The following STK11 variants were observed in gnomAD, a reference collection of about 807,000 sequenced individuals.
STK11 encodes the protein serine/threonine kinase 11, also known as serine/threonine-protein kinase STK11.
In STK11, 8 loss-of-function variants were observed where a neutral mutation model predicts 47.3. That is an observed-to-expected ratio of 0.17 (90% CI 0.10 to 0.31). The LOEUF is 0.31. Ranked by LOEUF, STK11 falls within the 10% of genes least tolerant of loss-of-function variation. The probability of loss-of-function intolerance (pLI) is 1.00; values close to 1 mark genes in which losing one functional copy is unlikely to be tolerated. For missense variants in STK11, 475 were observed against 605.0 expected (o/e 0.79, Z 2.25); for synonymous variants, 330 against 255.8 (o/e 1.29, Z -2.77).
At position 1,207,027 on chromosome 19, in the gene STK11, G is replaced by T. The variant is rs981179453; in HGVS notation, c.114G>T (p.Pro38=). ...ACTCCACCGAGGTCATCTACCAGCCGCGCCGCAAGCGGGCCAAGCTCATCG... is the reference window on the plus strand; with the variant it reads ...ACTCCACCGAGGTCATCTACCAGCCTCGCCGCAAGCGGGCCAAGCTCATCG... ...RIDSTEVIYQ[P]RRKRAKLIGK... The change falls in exon 1 of 10, where the codon CCG becomes CCT. Residue 38 remains proline (P), a synonymous_variant. Transcript: ENST00000326873. 3.1e-6 allele frequency: 5 copies of T among 1,613,728 alleles called. No individual in the cohort carries two copies. In the African/African-American group the frequency reaches 5.3e-5, roughly 17 times the overall value.
chr19:1,207,065 T>TGGG lies in STK11; in HGVS notation c.155_157dup (p.Gly52dup). 6.2e-7 allele frequency: 1 copy of TGGG among 1,613,758 alleles called. No homozygotes were observed. Among genetic ancestry groups the TGGG allele is most frequent in the Non-Finnish European group, 8.5e-7 (1 of 1,179,860 alleles). Reference sequence around the variant, plus strand: ...GCCAAGCTCATCGGCAAGTACCTGATGGGGGACCTGCTGGGGGAAGGCTCT... The same window carrying TGGG: ...GCCAAGCTCATCGGCAAGTACCTGATGGGGGGGGACCTGCTGGGGGAAGGCTCT... On this transcript the variant is annotated inframe_insertion, in exon 1 of 10. Coordinates refer to ENST00000326873, the MANE Select transcript of STK11 (RefSeq NM_000455.5).
chr19:1,224,070 G>T, intron 8 of STK11: 1 of 999,774 alleles, frequency 1.0e-6, no homozygotes, highest in East Asian at 8.2e-5. Flanking sequence ...CCTGCAGAGA[G>T]CCCCCCATTA....
intron 1 of STK11, among the ~76,000 whole-genome samples, chr19:1,212,006 C>T (rs1039833518): frequency 2.0e-5 from 3 of 151,806 alleles, no homozygotes; most frequent in African/African-American, 7.3e-5. Context: ...CTCTGGGCAG[C>T]GGGAGGGAGA....
intron 1 of STK11, among the ~76,000 whole-genome samples, chr19:1,208,430 C>G (rs2080684661): frequency 6.6e-6 from 1 of 151,138 alleles, no homozygotes; most frequent in Non-Finnish European, 1.5e-5. Flanking sequence ...GCCTCAGCCT[C>G]CCGAGTAGCT....
chr19:1,215,432 T>C (rs943553526), intron 1 of STK11, among the ~76,000 whole-genome samples: 1 of 152,202 alleles, frequency 6.6e-6, no homozygotes, highest in South Asian at 2.1e-4. Flanking sequence ...CCGGAACCAG[T>C]TGCTCACTGG....
chr19:1,206,123 G>A lies in STK11; in HGVS notation c.-791G>A, dbSNP rs1268445021. On this transcript the variant is annotated 5_prime_UTR_variant, in exon 1 of 10. Coordinates refer to ENST00000326873, the MANE Select transcript of STK11 (RefSeq NM_000455.5). ...GGGCGGGGCGCGCGCTCGGGCAGAC[G>A]TTTGCGGGGAGGGGGGCGCCTGCCG... is the stretch of plus-strand genomic sequence containing the variant. The A allele has an allele frequency of 6.8e-6, 1 of 147,492 alleles. No individual in the cohort carries two copies. The highest frequency in any genetic ancestry group is 1.5e-5 in the Non-Finnish European group (1 of 66,268). The allele number at this position is 147,492 out of a possible 1,614,324, so 9.1% of individuals were successfully genotyped here.
At chr19:1,211,568 G>A (rs1355423920) in intron 1 of STK11, among the ~76,000 whole-genome samples, 1 of 152,230 alleles carries the variant, frequency 6.6e-6, no homozygotes, top group Admixed American at 6.5e-5. Flanking sequence ...AGCCTCCGCA[G>A]AGGCACCCAG....
chr19:1,208,468 C>T (rs1448124207), intron 1 of STK11, among the ~76,000 whole-genome samples: 2 of 151,660 alleles, frequency 1.3e-5, no homozygotes, highest in Non-Finnish European at 2.9e-5. Context: ...CCACCACGCC[C>T]GGCCAATTTT....
chr19:1,225,675 T>G lies in STK11; in HGVS notation c.1109-779T>G, dbSNP rs2080815839. The G allele has an allele frequency of 4.1e-6, 4 of 985,574 alleles. No individual in the cohort carries two copies. In the South Asian group the frequency reaches 1.4e-4, roughly 35 times the overall value. The allele number at this position is 985,574 out of a possible 1,614,324, so 61.1% of individuals were successfully genotyped here. A position where few individuals can be genotyped will look rare whatever the true frequency, so the allele number is the denominator to read the frequency against. On this transcript the variant is annotated intron_variant, in intron 8 of 9. Coordinates refer to ENST00000326873, the MANE Select transcript of STK11 (RefSeq NM_000455.5). Reference sequence around the variant, plus strand: ...ACTGGTCCATTCTCGGAGCTGGGGCTCTGCACTGGGCACATGAGCTCTGGG... The same window carrying G: ...ACTGGTCCATTCTCGGAGCTGGGGCGCTGCACTGGGCACATGAGCTCTGGG...
intron 1 of STK11, among the ~76,000 whole-genome samples, chr19:1,214,600 C>G (rs928635619): frequency 6.6e-6 from 1 of 152,194 alleles, no homozygotes; most frequent in South Asian, 2.1e-4. Context: ...GTCCTCCACC[C>G]TCATTTGCTT....
intron 1 of STK11, among the ~76,000 whole-genome samples, chr19:1,212,757 T>G (rs367845937): frequency 2.3e-4 from 35 of 151,718 alleles, no homozygotes; most frequent in African/African-American, 6.8e-4. Context: ...TGTTAGCCAG[T>G]ATGGTCTCGA....
chr19:1,226,500 C>A lies in STK11; in HGVS notation c.1155C>A (p.Gly385=). Residue 385 remains glycine, a synonymous_variant, in exon 9 of 10, where the codon GGC becomes GGA. Coordinates refer to ENST00000326873, the MANE Select transcript of STK11 (RefSeq NM_000455.5). ...EEASHNGQRR[G]LPKAVCMNGT... is the part of the protein sequence containing the mutation. ...CCAGTCACAATGGACAGCGCCGGGGCCTCCCCAAGGCCGTGTGTATGAACG... is the reference window on the plus strand; with the variant it reads ...CCAGTCACAATGGACAGCGCCGGGGACTCCCCAAGGCCGTGTGTATGAACG... 1 of 1,610,788 alleles carries A rather than the reference C, an allele frequency of 6.2e-7. No individual in the cohort carries two copies. The highest frequency in any genetic ancestry group is 1.1e-5 in the South Asian group (1 of 90,762).
intron 2 of STK11, among the ~76,000 whole-genome samples, chr19:1,218,971 C>G (rs535231401): frequency 8.1e-4 from 123 of 152,286 alleles, no homozygotes; most frequent in African/African-American, 2.9e-3. Context: ...GCTGTGTTCC[C>G]TGAGCCACGC....
chr19:1,223,711 A>T, intron 8 of STK11: 1 of 1,042,078 alleles, frequency 9.6e-7, no homozygotes, highest in African/African-American at 1.7e-5. Flanking sequence ...CAGACCTTTC[A>T]GGAGAGGAAG....
At chr19:1,212,039 CAG>C (rs10549456) in intron 1 of STK11, among the ~76,000 whole-genome samples, 21,651 of 152,074 alleles carry the variant, frequency 0.14, 1,804 homozygotes, top group East Asian at 0.4. Flanking sequence ...AGAGGGAGCT[CAG>C]GGGCTGGGCA....
intron 8 of STK11, chr19:1,224,953 G>A (rs1028048347): frequency 4.6e-5 from 45 of 985,412 alleles, no homozygotes; most frequent in South Asian, 9.4e-5. Flanking sequence ...AGGACAGCCC[G>A]GCGCCCTCGG....
At chr19:1,224,786 G>A (rs990621820) in intron 8 of STK11, 11 of 985,486 alleles carry the variant, frequency 1.1e-5, no homozygotes, top group Non-Finnish European at 1.3e-5. Flanking sequence ...GCAGGGGGAA[G>A]GGCCGCCAGA....
chr19:1,215,478 G>A (rs1289827669), intron 1 of STK11, among the ~76,000 whole-genome samples: 1 of 152,188 alleles, frequency 6.6e-6, no homozygotes. Flanking sequence ...TCTGTGCCCC[G>A]TCCCCATCAC....
intron 1 of STK11, among the ~76,000 whole-genome samples, chr19:1,214,798 C>T (rs1161535127): frequency 6.6e-6 from 1 of 152,184 alleles, no homozygotes; most frequent in Admixed American, 6.5e-5. Flanking sequence ...CCGTGGCTCC[C>T]TCAGCTCCAC....
Sources: allele counts gnomAD v4.1 joint callset (sites outside exome capture counted in the v4.1 genomes callset), GRCh38; gene constraint gnomAD v4.1.1; transcripts MANE v1.5; gene names NCBI Gene and HGNC (gene_info 2026-07-23, HGNC 2026-07-21).